Variants in HYOU1 observed in about 807,000 individuals in gnomAD.
The protein encoded by HYOU1 is hypoxia up-regulated 1.
In HYOU1, 40 loss-of-function variants were observed where a neutral mutation model predicts 120.5. The ratio of observed to expected loss-of-function variants is 0.33; its 90% CI spans 0.26 to 0.43. The LOEUF is 0.43. Among genes scored for constraint, HYOU1 ranks in the 20% least tolerant of loss-of-function variants. The pLI, the probability that HYOU1 is intolerant of heterozygous loss-of-function variation, is 1.00. For synonymous variants in HYOU1, 501 were observed against 479.4 expected, an observed-to-expected ratio of 1.05 and a Z score of -0.59; for missense variants, 1,085 against 1,278.3, an observed-to-expected ratio of 0.85 and a Z score of 2.31.
Position 119,044,785 on chromosome 11 carries a change from A to T in HYOU1, c.*808T>A, listed in dbSNP as rs1028558114. On this transcript the variant is annotated 3_prime_UTR_variant, in exon 26 of 26. Transcript: ENST00000617285. The stretch of plus-strand genomic sequence containing the variant: ...GAACCTGGGGTACCAGGCTGCTGGG[A>T]AGATGCAGATTATGACAGAGCTTGC... The T allele has an allele frequency of 1.9e-5, 4 of 207,396 alleles. No homozygotes were observed. The highest frequency in any genetic ancestry group is 7.6e-5 in the South Asian group (1 of 13,088). The allele number at this position is 207,396 out of a possible 1,614,324, so 12.8% of individuals were successfully genotyped here.
rs2133590432 is a variant in HYOU1, at chr11:119,052,110, C to T, written c.1185G>A (p.Val395=). 1 of 1,614,192 alleles carries T rather than the reference C, an allele frequency of 6.2e-7. No individual in the cohort carries two copies. Among genetic ancestry groups the T allele is most frequent in the East Asian group, 2.2e-5 (1 of 44,880 alleles). Residue 395 remains valine (V), a synonymous_variant, in exon 11 of 26, where the codon GTG becomes GTA. Transcript: ENST00000617285. The surrounding 1 kb of genome is among the most constrained non-coding windows in gnomAD (Gnocchi z 5.0). ...CTCACTTGCCCACGGCCTTCAGCAG[C>T]ACCTCCTGAACTCTGGGGACCCGAG... is the stretch of plus-strand genomic sequence containing the variant. The part of the protein sequence containing the change: ...GATRVPRVQE[V]LLKAVGKEEL...
chr11:119,055,762 A>G lies in HYOU1; in HGVS notation c.173T>C (p.Ile58Thr). The G allele has an allele frequency of 3.1e-6, 5 of 1,613,746 alleles. No homozygotes were observed. Among genetic ancestry groups the G allele is most frequent in the Non-Finnish European group, 4.2e-6 (5 of 1,179,794 alleles). ...GGGCCACCCTCACTTATTCAAGACA[A>G]TTTCCATGGGCACTCCAGGTTTGAC... The part of the protein sequence containing the change: ...AIVKPGVPME[I>T]VLNKESRRKT... The change falls in exon 3 of 26, where the codon ATT (isoleucine) becomes ACT (threonine). Residue 58 changes from isoleucine to threonine, a missense_variant. Physicochemically the swap from Ile to Thr is moderately conservative, Grantham distance 89 (BLOSUM62 -1). Transcript: ENST00000617285. This position sits in a 1 kb window ranked among gnomAD's most constrained non-coding sequence, Gnocchi z 4.0.
At position 119,054,453 on chromosome 11, in the gene HYOU1, T is replaced by G. The variant is rs2133604901; in HGVS notation, c.678+41A>C. On this transcript the variant is annotated intron_variant, in intron 7 of 25. Coordinates refer to ENST00000617285, the MANE Select transcript of HYOU1 (RefSeq NM_006389.5). ...GACCAAGTGGCCTCCATCCTTAGATTCAGTCACCCTGCATGTCTGGTCAAG... is the reference window on the plus strand; with the variant it reads ...GACCAAGTGGCCTCCATCCTTAGATGCAGTCACCCTGCATGTCTGGTCAAG... 3.8e-6 allele frequency: 6 copies of G among 1,598,792 alleles called. No homozygotes were observed. In the African/African-American group the frequency reaches 8.0e-5, roughly 21 times the overall value.
chr11:119,051,981 TACCCTGGAG>T lies in HYOU1; in HGVS notation c.1206-39_1206-31del. The T allele has an allele frequency of 6.2e-7, 1 of 1,612,854 alleles. No individual in the cohort carries two copies. Among genetic ancestry groups the T allele is most frequent in the Non-Finnish European group, 8.5e-7 (1 of 1,178,922 alleles). On this transcript the variant is annotated intron_variant, in intron 11 of 25. Transcript: ENST00000617285. The surrounding 1 kb of genome is among the most constrained non-coding windows in gnomAD (Gnocchi z 4.2). ...GAAAGCCCCAAGCCTCAGCACGGTC[TACCCTGGAG>T]CATGCAACCGGGACTTCCCTCCCCT...
In HYOU1 at chr11:119,051,542, C is replaced by A. The variant is rs200124747; in HGVS notation, c.1422G>T (p.Gly474=). Residue 474 remains glycine (G), a synonymous_variant, in exon 13 of 26, where the codon GGG becomes GGT. Transcript: ENST00000617285. This position sits in a 1 kb window ranked among gnomAD's most constrained non-coding sequence, Gnocchi z 4.2. ...HNKRVLFSRM[G]PYPQRKVITF... is the part of the protein sequence containing the mutation. ...TGATGACTTTGCGTTGAGGGTAGGG[C>A]CCCATCCGAGAGAAGAGTACCCGTT... 6.2e-7 allele frequency: 1 copy of A among 1,614,012 alleles called. No individual in the cohort carries two copies. Among genetic ancestry groups the A allele is most frequent in the African/African-American group, 1.3e-5 (1 of 74,896 alleles).
In HYOU1 at chr11:119,045,813, G is replaced by T; in HGVS notation, c.2906C>A (p.Thr969Asn). Residue 969 changes from threonine (T) to asparagine (N), a missense_variant, in exon 25 of 26, where the codon ACT (threonine) becomes AAT (asparagine). Physicochemically the swap from Thr to Asn is moderately conservative, Grantham distance 65. Transcript: ENST00000617285. ...AGGACCTCCTAACTCCAAAGGCTCA[G>T]TGTCTCCTGGCTCGGATCCTGCTTT... is the stretch of plus-strand genomic sequence containing the variant. ...KVETGSEPGD[T>N]EPLELGGPGA... is the part of the protein sequence containing the mutation. 1 of 1,612,642 alleles carries T rather than the reference G, an allele frequency of 6.2e-7. No individual in the cohort carries two copies. The highest frequency in any genetic ancestry group is 1.7e-5 in the Admixed American group (1 of 59,388).
In HYOU1 at chr11:119,048,193, T is replaced by A; in HGVS notation, c.2376+55A>T. 6.2e-7 allele frequency: 1 copy of A among 1,606,980 alleles called. No homozygotes were observed. On this transcript the variant is annotated intron_variant, in intron 20 of 25. Coordinates refer to ENST00000617285, the MANE Select transcript of HYOU1 (RefSeq NM_006389.5). The surrounding 1 kb of genome is among the most constrained non-coding windows in gnomAD (Gnocchi z 4.7). ...CCCAGCTCTTCTCTCTCTCTGACCC[T>A]GGGAGAGGAAGGAGAGCTCCCACTC...
chr11:119,055,657 G>A lies in HYOU1; in HGVS notation c.186-86C>T. On this transcript the variant is annotated intron_variant, in intron 3 of 25. Coordinates refer to ENST00000617285, the MANE Select transcript of HYOU1 (RefSeq NM_006389.5). This position sits in a 1 kb window ranked among gnomAD's most constrained non-coding sequence, Gnocchi z 4.0. ...CTCACACACATTTAACCACTCAGAT[G>A]CCGAAGTCTGCTGTGGGCACTATGA... 1 of 1,488,856 alleles carries A rather than the reference G, an allele frequency of 6.7e-7. No individual in the cohort carries two copies. Among genetic ancestry groups the A allele is most frequent in the Admixed American group, 1.7e-5 (1 of 59,826 alleles). 92.2% of individuals were successfully genotyped at this position (1,488,856 alleles called of 1,614,324 possible). A position where few individuals can be genotyped will look rare whatever the true frequency, so the allele number is the denominator to read the frequency against.
At chr11:119,046,119 C>T (rs1944052044) in intron 24 of HYOU1, among the ~76,000 whole-genome samples, 1 of 152,048 alleles carries the variant, frequency 6.6e-6, no homozygotes. Context: ...CGCCACCACG[C>T]CTGACTCTTT....
rs2133612142 is a variant in HYOU1 at position 119,055,313 on chromosome 11, T to C, written c.291A>G (p.Leu97=). ...SMAIKNPKAT[L]RYFQHLLGKQ... ...TCCCCAGGAGGTGCTGGAAGTAACG[T>C]AGCGTAGCCTTTGGATTCTTAATCG... Residue 97 remains leucine (L), a synonymous_variant, in exon 5 of 26, where the codon CTA becomes CTG. Transcript: ENST00000617285. This position sits in a 1 kb window ranked among gnomAD's most constrained non-coding sequence, Gnocchi z 4.0. 2.3e-5 allele frequency: 37 copies of C among 1,613,684 alleles called. No individual in the cohort carries two copies. The highest frequency in any genetic ancestry group is 3.1e-5 in the Non-Finnish European group (36 of 1,179,808).
Position 119,052,264 on chromosome 11 carries a change from G to T in HYOU1, c.1122+31C>A. 2 of 1,613,990 alleles carry T rather than the reference G, an allele frequency of 1.2e-6. No individual in the cohort carries two copies. ...ATGGGTTTCCTATGCCCTTTCCTAC[G>T]GGGCATTCCCGCCTTCCCCTACTCG... On this transcript the variant is annotated intron_variant, in intron 10 of 25. Coordinates refer to ENST00000617285, the MANE Select transcript of HYOU1 (RefSeq NM_006389.5). This position sits in a 1 kb window ranked among gnomAD's most constrained non-coding sequence, Gnocchi z 5.0.
rs1944502946 is a variant in HYOU1, at chr11:119,052,507, A to G, written c.988-78T>C. 2 of 1,603,508 alleles carry G rather than the reference A, an allele frequency of 1.2e-6. No homozygotes were observed. The highest frequency in any genetic ancestry group is 1.3e-5 in the African/African-American group (1 of 74,758). ...GGTGAGTAGGACAGAAACAAAAAGAATAGGTCTTTGGGAGGATGGTAGCGG... is the reference window on the plus strand; with the variant it reads ...GGTGAGTAGGACAGAAACAAAAAGAGTAGGTCTTTGGGAGGATGGTAGCGG... On this transcript the variant is annotated intron_variant, in intron 9 of 25. Transcript: ENST00000617285. This position sits in a 1 kb window ranked among gnomAD's most constrained non-coding sequence, Gnocchi z 5.0.
rs2133556528 is a variant in HYOU1 at position 119,047,389 on chromosome 11, CAA to C, written c.2595+343_2595+344del. ...CTCTCCACTTTACTGAGCTCTGGCT[CAA>C]GAGTCCCCACACATCCAAAACAGTT... On this transcript the variant is annotated intron_variant, in intron 22 of 25. Transcript: ENST00000617285. 178 of 281,330 alleles carry C rather than the reference CAA, an allele frequency of 6.3e-4. 1 individual carries two copies. Among genetic ancestry groups the C allele is most frequent in the African/African-American group, 3.6e-3 (163 of 44,856 alleles). The allele number at this position is 281,330 out of a possible 1,614,324, so 17.4% of individuals were successfully genotyped here.
Position 119,054,601 on chromosome 11 carries a change from C to A in HYOU1, c.571G>T (p.Ala191Ser), listed in dbSNP as rs2133606137. The A allele has an allele frequency of 4.3e-6, 7 of 1,614,028 alleles. No homozygotes were observed. The Admixed American group carries it at 1.0e-4, about 23-fold the overall frequency. Residue 191 changes from alanine to serine, a missense_variant, in exon 7 of 26, where the codon GCT (alanine) becomes TCT (serine). By Grantham distance (99) the Ala-to-Ser change is moderately conservative. Around this residue, in one of 4 missense-constraint regions of HYOU1, gnomAD observed 515 missense variants for 677.8 expected, o/e 0.76. Transcript: ENST00000617285. ...ACTTTGAGGCCAGCCATACGAGCAGCCTGCAGCACAGCTCGGCGCTCGGCC... is the reference window on the plus strand; with the variant it reads ...ACTTTGAGGCCAGCCATACGAGCAGACTGCAGCACAGCTCGGCGCTCGGCC... ...NQAERRAVLQ[A>S]ARMAGLKVLQ... is the part of the protein sequence containing the mutation.
In HYOU1 at chr11:119,051,200, G is replaced by T; in HGVS notation, c.1527-27C>A. 1 of 1,613,876 alleles carries T rather than the reference G, an allele frequency of 6.2e-7. No individual in the cohort carries two copies. Among genetic ancestry groups the T allele is most frequent in the Non-Finnish European group, 8.5e-7 (1 of 1,179,824 alleles). ...TGGTTGGGAAGGAAAGAGGAGTTCA[G>T]GGGGACCCACCCCAGCCCATCTCGC... On this transcript the variant is annotated intron_variant, in intron 13 of 25. Coordinates refer to ENST00000617285, the MANE Select transcript of HYOU1 (RefSeq NM_006389.5). This position sits in a 1 kb window ranked among gnomAD's most constrained non-coding sequence, Gnocchi z 4.2.
rs1218288787 is a variant in HYOU1 at position 119,045,173 on chromosome 11, G to A, written c.*420C>T. 6 of 458,128 alleles carry A rather than the reference G, an allele frequency of 1.3e-5. No homozygotes were observed. Among genetic ancestry groups the A allele is most frequent in the Admixed American group, 4.7e-5 (2 of 42,678 alleles). 28.4% of individuals were successfully genotyped at this position (458,128 alleles called of 1,614,324 possible). A position where few individuals can be genotyped will look rare whatever the true frequency, so the allele number is the denominator to read the frequency against. On this transcript the variant is annotated 3_prime_UTR_variant, in exon 26 of 26. Transcript: ENST00000617285. ...ACACTGGCCTGAAAGGATGCTCATCGCATGGTGGGAGAGGAAGGGAGGGAA... is the reference window on the plus strand; with the variant it reads ...ACACTGGCCTGAAAGGATGCTCATCACATGGTGGGAGAGGAAGGGAGGGAA...
rs1393026188 is a variant in HYOU1, at chr11:119,047,599, A to G, written c.2595+135T>C. The G allele has an allele frequency of 4.9e-5, 37 of 761,498 alleles. 2 individuals carry two copies. Among genetic ancestry groups the G allele is most frequent in the Middle Eastern group, 3.8e-4 (1 of 2,622 alleles). 47.2% of individuals were successfully genotyped at this position (761,498 alleles called of 1,614,324 possible). On this transcript the variant is annotated intron_variant, in intron 22 of 25. Transcript: ENST00000617285. The stretch of plus-strand genomic sequence containing the variant: ...TTGGGACTAATCAGAGGTGGGCTCA[A>G]ATACAAACATCTTTTGTCTTCAGGT...
At position 119,054,101 on chromosome 11, in the gene HYOU1, C is replaced by A. The variant is rs2133602726; in HGVS notation, c.794+20G>T. ...TTGAGGGTCTTCACAAGCAGCCCTC[C>A]CTGCCAAGTATCCACTTACCCTACT... On this transcript the variant is annotated intron_variant, in intron 8 of 25. Transcript: ENST00000617285. 7,450 of 1,518,868 alleles carry A rather than the reference C, an allele frequency of 4.9e-3. 391 individuals are homozygous for A. In the East Asian group the frequency reaches 0.13, roughly 26 times the overall value. 94.1% of individuals were successfully genotyped at this position (1,518,868 alleles called of 1,614,324 possible). A position where few individuals can be genotyped will look rare whatever the true frequency, so the allele number is the denominator to read the frequency against.
chr11:119,050,719 C>CAAAAAAAAAAAAAAAAAAAAAA (rs1944379626), intron 14 of HYOU1, among the ~76,000 whole-genome samples: 1 of 52,868 alleles, frequency 1.9e-5, no homozygotes, highest in Non-Finnish European at 3.7e-5. Context: ...AAGACCCTCT[C>CAAAAAAAAAAAAAAAAAAAAAA]CAAAAAAAAA....
Sources: gnomAD v4.1 joint callset for allele counts (sites outside exome capture counted in the v4.1 genomes callset) on GRCh38, gnomAD v4.1.1 for gene constraint, gnomAD v4.1.1 regional missense constraint, Gnocchi (gnomAD v3.1) non-coding constraint, MANE v1.5 for transcripts, NCBI Gene and HGNC (gene_info 2026-07-23, HGNC 2026-07-21) for gene names.